COL18A1: variants seen among roughly 807,000 people sequenced by gnomAD.
The protein encoded by COL18A1 is collagen alpha-1(XVIII) chain.
A neutral mutation model predicts 168.0 loss-of-function variants in COL18A1; 133 were observed. That is an observed-to-expected ratio of 0.79 (90% CI 0.69 to 0.91). The LOEUF (loss-of-function observed/expected upper bound fraction) is 0.91. Among genes scored for constraint, COL18A1 ranks in the 40% least tolerant of loss-of-function variants. COL18A1 has a pLI of 0.00. For missense variants in COL18A1, 2,126 were observed against 1,925.4 expected (o/e 1.10, Z -1.95); for synonymous variants, 949 against 809.0 (o/e 1.17, Z -2.94).
chr21:45,507,859 A>G (rs1177192834), intron 38 of COL18A1, among the ~76,000 whole-genome samples: 1 of 152,206 alleles, frequency 6.6e-6, no homozygotes, highest in Non-Finnish European at 1.5e-5. Flanking sequence ...TCTGCCGCTC[A>G]TTGCCCTCCT....
At chr21:45,494,334 C>A (rs1355022022) in intron 26 of COL18A1, 1 of 667,028 alleles carries the variant, frequency 1.5e-6, no homozygotes, top group East Asian at 2.7e-5. Flanking sequence ...ACCCGACCCT[C>A]CCCTCACCAG....
rs554796655 is a variant in COL18A1 at position 45,505,448 on chromosome 21, C to T, written c.3087+17C>T. On this transcript the variant is annotated intron_variant, in intron 36 of 41. Transcript: ENST00000651438. ...TCCTCAGGGGTAAGTGTCTGGGCAG[C>T]CGGCTGGGCACCTGCGTCCCGTGCC... 2.0e-5 allele frequency: 29 copies of T among 1,433,942 alleles called. No homozygotes were observed. In the South Asian group the frequency reaches 3.3e-4, roughly 16 times the overall value. The allele number at this position is 1,433,942 out of a possible 1,614,324, so 88.8% of individuals were successfully genotyped here. A position where few individuals can be genotyped will look rare whatever the true frequency, so the allele number is the denominator to read the frequency against.
intron 2 of COL18A1, among the ~76,000 whole-genome samples, chr21:45,432,641 G>T (rs1420589806): frequency 6.6e-6 from 1 of 152,256 alleles, no homozygotes; most frequent in East Asian, 1.9e-4. Flanking sequence ...TGGGGTCAGA[G>T]CGCGGCAGGA....
At chr21:45,482,170 T>A in intron 14 of COL18A1, 145 bp downstream of exon 14, 1 of 683,870 alleles carries the variant, frequency 1.5e-6, no homozygotes, top group South Asian at 1.7e-5. Context: ...CCTCGCGCTC[T>A]GGAGGTCACC....
intron 2 of COL18A1, among the ~76,000 whole-genome samples, chr21:45,437,404 A>T (rs1373295593): frequency 4.0e-4 from 40 of 98,910 alleles, no homozygotes; most frequent in Non-Finnish European, 5.0e-4. Context: ...GCACACACAC[A>T]CTCACACTCA....
At chr21:45,470,141 C>T (rs868249156) in intron 3 of COL18A1, among the ~76,000 whole-genome samples, 1 of 152,238 alleles carries the variant, frequency 6.6e-6, no homozygotes, top group Non-Finnish European at 1.5e-5. Flanking sequence ...CACCGCCCTG[C>T]GGTGAGGGCC....
chr21:45,455,570 C>G (rs2034770083), intron 2 of COL18A1: 6 of 1,613,868 alleles, frequency 3.7e-6, no homozygotes, highest in Non-Finnish European at 5.1e-6. Context: ...CCTGCTGCTG[C>G]TCTTCTGCTG....
intron 6 of COL18A1, 76 bp from the exon 7 acceptor site, chr21:45,477,335 G>A (rs2035712549): frequency 2.5e-6 from 3 of 1,218,142 alleles, no homozygotes; most frequent in South Asian, 1.3e-5. Context: ...GGCTGCCGGG[G>A]CCGTCTGGGG....
intron 2 of COL18A1, among the ~76,000 whole-genome samples, chr21:45,437,135 T>TC (rs71334067): frequency 3.9e-5 from 3 of 76,034 alleles, no homozygotes; most frequent in African/African-American, 2.7e-4. Flanking sequence ...ACACAGGCAC[T>TC]CTCCACACAC....
At chr21:45,474,974 C>T (rs1006834251) in intron 4 of COL18A1, among the ~76,000 whole-genome samples, 3 of 152,292 alleles carry the variant, frequency 2.0e-5, no homozygotes, top group East Asian at 1.9e-4. Flanking sequence ...GGGGGGTCGC[C>T]GAGGCGCCGC....
intron 2 of COL18A1, among the ~76,000 whole-genome samples, chr21:45,462,839 C>T (rs914321168): frequency 5.3e-5 from 8 of 152,044 alleles, no homozygotes; most frequent in Admixed American, 4.6e-4. Flanking sequence ...AAAAAGTGAA[C>T]ATTTGAACTC....
chr21:45,478,731 G>C (rs554140068), intron 9 of COL18A1, among the ~76,000 whole-genome samples: 1 of 152,232 alleles, frequency 6.6e-6, no homozygotes, highest in East Asian at 1.9e-4. Flanking sequence ...TCCGAGCTTC[G>C]TCGCAAAACA....
In COL18A1 at chr21:45,493,575, GGT is replaced by G; in HGVS notation, c.2352+2_2352+3del. ...TGGGCCCTGCCCAGAAAGGAGCCAA[GGT>G]GAGGGCCGGGCAGCCTCCTTCCGGC... On this transcript the variant is annotated splice_donor_variant, in intron 26 of 41. Transcript: ENST00000651438. LOFTEE classifies it high-confidence loss of function. 6.4e-7 allele frequency: 1 copy of G among 1,551,092 alleles called. No individual in the cohort carries two copies. Among genetic ancestry groups the G allele is most frequent in the Non-Finnish European group, 8.7e-7 (1 of 1,147,398 alleles).
At chr21:45,487,652 T>A in intron 17 of COL18A1, 143 bp downstream of exon 17, 1 of 1,065,586 alleles carries the variant, frequency 9.4e-7, no homozygotes, top group Non-Finnish European at 1.4e-6. Context: ...TGGCGGGCGC[T>A]GTGCCCCGCG....
At chr21:45,426,120 T>G (rs2145772336) in intron 2 of COL18A1, among the ~76,000 whole-genome samples, 1 of 152,240 alleles carries the variant, frequency 6.6e-6, no homozygotes, top group Admixed American at 6.5e-5. Context: ...TTTTTCTTTT[T>G]TTGAGACAGA....
intron 38 of COL18A1, among the ~76,000 whole-genome samples, chr21:45,507,923 C>T (rs1257088272): frequency 6.6e-6 from 1 of 152,240 alleles, no homozygotes; most frequent in East Asian, 1.9e-4. Context: ...TGCCTTCCCT[C>T]ACCCAAAGTG....
chr21:45,418,410 CCTT>C (rs754304194), intron 2 of COL18A1, among the ~76,000 whole-genome samples: 94 of 152,258 alleles, frequency 6.2e-4, no homozygotes, highest in Admixed American at 1.6e-3. Context: ...GGCAGCCGTC[CCTT>C]CTTGGTGGTT....
rs12483761 is a variant in COL18A1, at chr21:45,507,575, A to C, written c.3231A>C (p.Thr1077=). 6.2e-7 allele frequency: 1 copy of C among 1,612,620 alleles called. No homozygotes were observed. The highest frequency in any genetic ancestry group is 8.5e-7 in the Non-Finnish European group (1 of 1,179,706). ...GFRKVQLEAR[T]PLPRGTDNEV... ...CTTTCTTCCAGCTGGAGGCCCGGAC[A>C]CCACTCCCACGAGGGACGGTAAGGA... The change falls in exon 38 of 42, where the codon ACA becomes ACC. Residue 1077 remains threonine, a synonymous_variant. Transcript: ENST00000651438.
intron 2 of COL18A1, among the ~76,000 whole-genome samples, chr21:45,461,957 G>A (rs962277933): frequency 2.0e-5 from 3 of 152,116 alleles, no homozygotes; most frequent in Non-Finnish European, 4.4e-5. Context: ...CAGGTCTAGT[G>A]GCAATTAACT....
Sources: gnomAD v4.1 joint callset for allele counts (sites outside exome capture counted in the v4.1 genomes callset) on GRCh38, gnomAD v4.1.1 for gene constraint, MANE v1.5 for transcripts, NCBI Gene and HGNC (gene_info 2026-07-23, HGNC 2026-07-21) for gene names.